The following AIG1 variants were observed in gnomAD, a reference collection of about 807,000 sequenced individuals.
AIG1 encodes the protein androgen-induced gene 1 protein.
Under a neutral mutation model 31.4 loss-of-function variants are expected in AIG1, and 23 were observed. The ratio of observed to expected loss-of-function variants is 0.73; its 90% CI spans 0.53 to 1.04. The LOEUF is 1.04. AIG1 is among the 50% of genes least tolerant of loss of function. The pLI is 0.00. For missense variants in AIG1, 274 were observed against 295.0 expected, an observed-to-expected ratio of 0.93 and a Z score of 0.52; for synonymous variants, 100 against 110.5, an observed-to-expected ratio of 0.90 and a Z score of 0.60.
chr6:143,206,676 A>T (rs1791133394), intron 3 of AIG1, among the ~76,000 whole-genome samples: 1 of 152,236 alleles, frequency 6.6e-6, no homozygotes, highest in Non-Finnish European at 1.5e-5. Flanking sequence ...AAAAAGATAC[A>T]AAAACAAAAC....
At chr6:143,249,324 G>A (rs1054622672) in intron 3 of AIG1, among the ~76,000 whole-genome samples, 1 of 152,182 alleles carries the variant, frequency 6.6e-6, no homozygotes, top group South Asian at 2.1e-4. Context: ...CCTCGACGAC[G>A]ACGATATTGG....
In AIG1 at chr6:143,333,358, A is replaced by G. The variant is rs1777232023; in HGVS notation, c.592A>G (p.Ile198Val). 1 of 1,613,912 alleles carries G rather than the reference A, an allele frequency of 6.2e-7. No individual in the cohort carries two copies. Among genetic ancestry groups the G allele is most frequent in the Non-Finnish European group, 8.5e-7 (1 of 1,179,952 alleles). ...ACACATTGGCCCAGGAGCCAGAATC[A>G]TCTTCTTTGGGTCTACAACCATCTT... Reference protein sequence around the residue: ...LEHIGPGARIIFFGSTTILMN... With the variant: ...LEHIGPGARIVFFGSTTILMN... The change falls in exon 5 of 6, where the codon ATC (isoleucine) becomes GTC (valine). Residue 198 changes from isoleucine (I) to valine (V), a missense_variant. Transcript: ENST00000357847. The surrounding 1 kb of genome is among the most constrained non-coding windows in gnomAD (Gnocchi z 4.6).
chr6:143,081,321 T>C (rs1344313551), intron 1 of AIG1, among the ~76,000 whole-genome samples: 4 of 152,078 alleles, frequency 2.6e-5, no homozygotes, highest in Non-Finnish European at 4.4e-5. Context: ...AGCCTTGAAA[T>C]TGGGGCCATT....
intron 1 of AIG1, among the ~76,000 whole-genome samples, chr6:143,114,580 A>G (rs150393916): frequency 7.8e-4 from 119 of 152,374 alleles, no homozygotes; most frequent in African/African-American, 2.7e-3. Context: ...GTGCATTACA[A>G]TTGGAATAAA....
At chr6:143,101,393 G>C (rs759312796) in intron 1 of AIG1, among the ~76,000 whole-genome samples, 11 of 152,278 alleles carry the variant, frequency 7.2e-5, no homozygotes, top group Non-Finnish European at 1.3e-4. Context: ...CACCATTTTA[G>C]AAGAATTTCC....
intron 2 of AIG1, among the ~76,000 whole-genome samples, chr6:143,143,528 AATATATATATATAT>A (rs1245695724): frequency 3.6e-5 from 1 of 27,782 alleles, no homozygotes; most frequent in Non-Finnish European, 7.9e-5. Flanking sequence ...AAAAAAAAAA[AATATATATATATAT>A]ATATATATAT....
intron 1 of AIG1, among the ~76,000 whole-genome samples, chr6:143,136,148 T>C (rs1783721482): frequency 6.6e-6 from 1 of 152,230 alleles, no homozygotes; most frequent in Non-Finnish European, 1.5e-5. Flanking sequence ...TGGGTATCTC[T>C]GTTTATATTA....
chr6:143,178,974 G>A lies in AIG1; in HGVS notation c.399+13791G>A, dbSNP rs182663802. The stretch of plus-strand genomic sequence containing the variant: ...GAGGCATGGCAATCCCCACCACATA[G>A]GGCCCATATAGGAGCTCTGGGGAGT... On this transcript the variant is annotated intron_variant, in intron 3 of 5. Transcript: ENST00000357847. Among the ~76,000 whole-genome samples, 394 of 152,262 alleles carry A rather than the reference G, an allele frequency of 2.6e-3. 1 individual carries two copies. The highest frequency in any genetic ancestry group is 2.8e-3 in the Non-Finnish European group (190 of 68,016).
At chr6:143,065,428 A>G (rs1776607708) in intron 1 of AIG1, among the ~76,000 whole-genome samples, 1 of 152,220 alleles carries the variant, frequency 6.6e-6, no homozygotes, top group South Asian at 2.1e-4. Flanking sequence ...AAATATTAAC[A>G]CTTTCTTAGT....
chr6:143,272,102 T>C (rs1796565444), intron 3 of AIG1, among the ~76,000 whole-genome samples: 1 of 152,194 alleles, frequency 6.6e-6, no homozygotes, highest in Non-Finnish European at 1.5e-5. Context: ...ATTTCTATAC[T>C]GTATGTGTAT....
chr6:143,252,687 C>T (rs899968136), intron 3 of AIG1, among the ~76,000 whole-genome samples: 4 of 152,112 alleles, frequency 2.6e-5, no homozygotes, highest in Non-Finnish European at 5.9e-5. Flanking sequence ...TCTGTTTTGC[C>T]CCATAACAAA....
rs1562530594 is a variant in AIG1, at chr6:143,256,946, G to A, written c.400-27164G>A. On this transcript the variant is annotated intron_variant, in intron 3 of 5. Coordinates refer to ENST00000357847, the MANE Select transcript of AIG1 (RefSeq NM_016108.4). This position sits in a 1 kb window ranked among gnomAD's most constrained non-coding sequence, Gnocchi z 4.6. ...TTCATTTTATGACAATGGTGAGGAG[G>A]AGGCTAGAAATCTTAAATGATATAA... Among the ~76,000 whole-genome samples, 3 of 152,172 alleles carry A rather than the reference G, an allele frequency of 2.0e-5. No individual in the cohort carries two copies.
chr6:143,095,735 T>A (rs61171267), intron 1 of AIG1, among the ~76,000 whole-genome samples: 2 of 151,988 alleles, frequency 1.3e-5, no homozygotes, highest in African/African-American at 4.8e-5. Flanking sequence ...ATCTTGTTTT[T>A]TCATCCCTTT....
At chr6:143,115,184 T>G (rs1245465303) in intron 1 of AIG1, among the ~76,000 whole-genome samples, 1 of 152,256 alleles carries the variant, frequency 6.6e-6, no homozygotes. Flanking sequence ...TATGCAGAAG[T>G]CTTTGTGACC....
At chr6:143,248,216 T>C (rs1450242806) in intron 3 of AIG1, among the ~76,000 whole-genome samples, 1 of 152,180 alleles carries the variant, frequency 6.6e-6, no homozygotes, top group Admixed American at 6.5e-5. Context: ...CATACCAATA[T>C]CTGCAAGTAA....
intron 3 of AIG1, among the ~76,000 whole-genome samples, chr6:143,179,546 G>C (rs1788525602): frequency 6.6e-6 from 1 of 152,182 alleles, no homozygotes; most frequent in African/African-American, 2.4e-5. Context: ...AAGCTTACAG[G>C]ATCTGAAATC....
chr6:143,084,241 G>A (rs916005273), intron 1 of AIG1, among the ~76,000 whole-genome samples: 3 of 152,206 alleles, frequency 2.0e-5, no homozygotes. Flanking sequence ...GTGGTTAGTG[G>A]CTTCTGACTC....
rs768850362 is a variant in AIG1 at position 143,268,038 on chromosome 6, T to C, written c.400-16072T>C. Among the ~76,000 whole-genome samples, 1 of 152,240 alleles carries C rather than the reference T, an allele frequency of 6.6e-6. No homozygotes were observed. Among genetic ancestry groups the C allele is most frequent in the Non-Finnish European group, 1.5e-5 (1 of 68,042 alleles). On this transcript the variant is annotated intron_variant, in intron 3 of 5. Coordinates refer to ENST00000357847, the MANE Select transcript of AIG1 (RefSeq NM_016108.4). The surrounding 1 kb of genome is among the most constrained non-coding windows in gnomAD (Gnocchi z 5.0). Reference sequence around the variant, plus strand: ...GAACTCTGTGAGCACAATGTTGTAATACTGTTGATCTCATGCTGATCTGAA... The same window carrying C: ...GAACTCTGTGAGCACAATGTTGTAACACTGTTGATCTCATGCTGATCTGAA...
intron 4 of AIG1, among the ~76,000 whole-genome samples, chr6:143,314,698 T>C (rs192564987): frequency 1.3e-5 from 2 of 152,272 alleles, no homozygotes; most frequent in East Asian, 3.9e-4. Context: ...TGTTCATGCA[T>C]GGCAATACCC....
Sources: gnomAD v4.1 joint callset for allele counts (sites outside exome capture counted in the v4.1 genomes callset) on GRCh38, gnomAD v4.1.1 for gene constraint, Gnocchi (gnomAD v3.1) non-coding constraint, MANE v1.5 for transcripts, NCBI Gene and HGNC (gene_info 2026-07-23, HGNC 2026-07-21) for gene names.